PLCH1: variants seen among roughly 807,000 people sequenced by gnomAD.
PLCH1 encodes the protein 1-phosphatidylinositol 4,5-bisphosphate phosphodiesterase eta-1.
In PLCH1, 60 loss-of-function variants were observed where a neutral mutation model predicts 126.7. The observed-to-expected ratio is 0.47, with a 90% CI of 0.38 to 0.59. The LOEUF is 0.59. Ranked by LOEUF, PLCH1 falls within the 20% of genes least tolerant of loss-of-function variation. The pLI is 0.00. For missense variants in PLCH1, 1,723 were observed against 2,040.0 expected, an observed-to-expected ratio of 0.84 and a Z score of 2.99; for synonymous variants, 719 against 734.9, an observed-to-expected ratio of 0.98 and a Z score of 0.35.
chr3:155,514,528 G>C (rs1720042890), intron 12 of PLCH1, among the ~76,000 whole-genome samples, 195 bp downstream of exon 12: 1 of 152,164 alleles, frequency 6.6e-6, no homozygotes, highest in Non-Finnish European at 1.5e-5. Flanking sequence ...AGCAGTATTT[G>C]AGTCATTTCT....
chr3:155,486,214 G>A (rs923741074), intron 21 of PLCH1: 1 of 1,532,942 alleles, frequency 6.5e-7, no homozygotes, highest in African/African-American at 1.4e-5. Flanking sequence ...CCACTGTAAA[G>A]GAAAAAAACA....
chr3:155,603,292 C>T (rs1733971944), intron 2 of PLCH1, among the ~76,000 whole-genome samples: 1 of 152,192 alleles, frequency 6.6e-6, no homozygotes, highest in Non-Finnish European at 1.5e-5. Context: ...AAAACAATTT[C>T]ATTTCTATGT....
chr3:155,565,149 C>T (rs771185411), intron 7 of PLCH1, 31 bp from the exon 8 acceptor site: 1 of 1,484,606 alleles, frequency 6.7e-7, no homozygotes, highest in South Asian at 1.1e-5. Flanking sequence ...CTTACTACAG[C>T]TTTCAAAGCA....
At chr3:155,662,120 G>A (rs1374442501) in intron 2 of PLCH1, among the ~76,000 whole-genome samples, 1 of 152,114 alleles carries the variant, frequency 6.6e-6, no homozygotes, top group African/African-American at 2.4e-5. Flanking sequence ...TCATGATGAG[G>A]ACACTCACTA....
intron 2 of PLCH1, chr3:155,675,952 C>G (rs766735010): frequency 3.1e-6 from 3 of 973,986 alleles, no homozygotes; most frequent in Non-Finnish European, 4.6e-6. Context: ...CCATCTTTTA[C>G]TAGGACTATT....
intron 1 of PLCH1, among the ~76,000 whole-genome samples, chr3:155,730,909 A>G (rs1454111134): frequency 6.6e-6 from 1 of 152,190 alleles, no homozygotes; most frequent in Non-Finnish European, 1.5e-5. Context: ...CTTACACCCT[A>G]ATGCCAGGCC....
At chr3:155,548,103 CAT>C (rs938117279) in intron 10 of PLCH1, among the ~76,000 whole-genome samples, 28 of 152,098 alleles carry the variant, frequency 1.8e-4, no homozygotes, top group East Asian at 3.9e-4. Flanking sequence ...AAAATTTACA[CAT>C]ATATAAATGT....
intron 1 of PLCH1, among the ~76,000 whole-genome samples, chr3:155,719,064 G>A (rs1027454006): frequency 9.2e-5 from 14 of 151,960 alleles, no homozygotes; most frequent in Admixed American, 7.2e-4. Context: ...TTGGTTGCAC[G>A]AATCAGTTCT....
chr3:155,472,815 C>T (rs1167229105), intron 21 of PLCH1, among the ~76,000 whole-genome samples: 3 of 150,876 alleles, frequency 2.0e-5, no homozygotes, highest in African/African-American at 7.3e-5. Flanking sequence ...TAAACAGAGC[C>T]AAAGACAAAA....
chr3:155,639,776 C>T (rs1461067539), intron 2 of PLCH1, among the ~76,000 whole-genome samples: 1 of 152,138 alleles, frequency 6.6e-6, no homozygotes, highest in Non-Finnish European at 1.5e-5. Flanking sequence ...AATCTCATGT[C>T]AAATTATAAT....
At chr3:155,714,397 C>T (rs1284141733) in intron 1 of PLCH1, among the ~76,000 whole-genome samples, 1 of 152,166 alleles carries the variant, frequency 6.6e-6, no homozygotes, top group Non-Finnish European at 1.5e-5. Context: ...CACCCGCCAC[C>T]CAGCAGATGG....
intron 2 of PLCH1, among the ~76,000 whole-genome samples, chr3:155,612,713 T>C (rs1395307445): frequency 6.6e-6 from 1 of 151,618 alleles, no homozygotes; most frequent in African/African-American, 2.4e-5. Flanking sequence ...GAGTTCGAGA[T>C]CAGTGACTAA....
rs1456574145 is a variant in PLCH1 at position 155,673,537 on chromosome 3, TA to T, written c.79+30608del. Among the ~76,000 whole-genome samples, 6 of 152,052 alleles carry T rather than the reference TA, an allele frequency of 3.9e-5. No homozygotes were observed. The East Asian group carries it at 1.2e-3, about 29-fold the overall frequency. On this transcript the variant is annotated intron_variant, in intron 2 of 22. Transcript: ENST00000460012. ...TAGCATGAGCAAAATCACAAATATC[TA>T]AATGTAGCAACTTCTAAAAGAAAAA...
intron 21 of PLCH1, among the ~76,000 whole-genome samples, chr3:155,464,252 C>G (rs1370479218): frequency 6.6e-6 from 1 of 152,188 alleles, no homozygotes; most frequent in African/African-American, 2.4e-5. Flanking sequence ...CAATCTAAGG[C>G]AGAGGAAGCC....
intron 10 of PLCH1, among the ~76,000 whole-genome samples, chr3:155,545,660 T>C (rs1415270699): frequency 5.9e-5 from 9 of 152,124 alleles, no homozygotes; most frequent in Non-Finnish European, 1.3e-4. Flanking sequence ...GCAAACCGAA[T>C]CCAGCAGCAC....
intron 1 of PLCH1, among the ~76,000 whole-genome samples, chr3:155,733,932 T>TAC (rs1338877582): frequency 1.9e-5 from 2 of 103,892 alleles, no homozygotes; most frequent in Non-Finnish European, 3.7e-5. Flanking sequence ...CCAACAGGTA[T>TAC]ACATATATAT....
intron 2 of PLCH1, among the ~76,000 whole-genome samples, chr3:155,616,683 C>A (rs4401403): frequency 0.49 from 73,863 of 151,906 alleles, 20,346 homozygotes; most frequent in African/African-American, 0.74. Flanking sequence ...GAAAAGGGGA[C>A]AGAGAAGAGA....
chr3:155,612,362 A>G (rs1182756519), intron 2 of PLCH1, among the ~76,000 whole-genome samples: 1 of 151,462 alleles, frequency 6.6e-6, no homozygotes, highest in Non-Finnish European at 1.5e-5. Flanking sequence ...GAAACTTCAT[A>G]GCATTAAATG....
At chr3:155,583,763 C>T in intron 5 of PLCH1, 121 bp from the exon 6 acceptor site, 1 of 616,954 alleles carries the variant, frequency 1.6e-6, no homozygotes, top group South Asian at 2.6e-5. Flanking sequence ...AGCACACATT[C>T]TCTTCGAGCA....
Sources: allele counts gnomAD v4.1 joint callset (sites outside exome capture counted in the v4.1 genomes callset), GRCh38; gene constraint gnomAD v4.1.1; transcripts MANE v1.5; gene names NCBI Gene and HGNC (gene_info 2026-07-23, HGNC 2026-07-21).